The following KCNK12 variants were observed in gnomAD, a reference collection of about 807,000 sequenced individuals.
KCNK12 encodes potassium channel subfamily K member 12.
In KCNK12, 6 loss-of-function variants were observed where a neutral mutation model predicts 25.3. That is an observed-to-expected ratio of 0.24 (90% CI 0.13 to 0.47). KCNK12 has a LOEUF of 0.47. Among genes scored for constraint, KCNK12 ranks in the 20% least tolerant of loss-of-function variants. The pLI is 0.99. For synonymous variants in KCNK12, 331 were observed against 311.1 expected, an observed-to-expected ratio of 1.06 and a Z score of -0.67; for missense variants, 444 against 661.7, an observed-to-expected ratio of 0.67 and a Z score of 3.61.
rs749453881 is a variant in KCNK12 at position 47,570,143 on chromosome 2, G to C, written c.189C>G (p.Pro63=). The C allele has an allele frequency of 4.1e-6, 6 of 1,456,056 alleles. No individual in the cohort carries two copies. In the African/African-American group the frequency reaches 4.4e-5, roughly 11 times the overall value. 90.2% of individuals were successfully genotyped at this position (1,456,056 alleles called of 1,614,324 possible). The change falls in exon 1 of 2, where the codon CCC becomes CCG. Residue 63 remains proline (P), a synonymous_variant. Coordinates refer to ENST00000327876, the MANE Select transcript of KCNK12 (RefSeq NM_022055.2). ...GATVFSALES[P]GEAEARARWG... ...AGCGCGCCCGCGCCTCCGCCTCGCC[G>C]GGGCTCTCGAGCGCCGAGAAGACTG...
chr2:47,513,721 A>C lies in KCNK12; in HGVS notation c.*7186T>G, dbSNP rs1668458333. On this transcript the variant is annotated 3_prime_UTR_variant, in exon 2 of 2. Transcript: ENST00000327876. Reference sequence around the variant, plus strand: ...CTTCTGTTCCTCCTCCTGGGTTCCCAGGCTCAGTGGTGGCACCACTGTCTA... The same window carrying C: ...CTTCTGTTCCTCCTCCTGGGTTCCCCGGCTCAGTGGTGGCACCACTGTCTA... 6.6e-6 allele frequency among the ~76,000 whole-genome samples: 1 copy of C among 152,094 alleles called. No homozygotes were observed. Among genetic ancestry groups the C allele is most frequent in the African/African-American group, 2.4e-5 (1 of 41,414 alleles).
chr2:47,522,638 T>G (rs946116343), intron 1 of KCNK12, among the ~76,000 whole-genome samples: 1 of 152,168 alleles, frequency 6.6e-6, no homozygotes, highest in African/African-American at 2.4e-5. Flanking sequence ...CCATGTCCAG[T>G]GAATTCTTTG....
At chr2:47,561,276 T>C (rs1464002254) in intron 1 of KCNK12, among the ~76,000 whole-genome samples, 1 of 152,176 alleles carries the variant, frequency 6.6e-6, no homozygotes, top group Non-Finnish European at 1.5e-5. Flanking sequence ...CTGGTCTAAC[T>C]CACCACTCAA....
intron 1 of KCNK12, among the ~76,000 whole-genome samples, chr2:47,523,204 GACCAGGTAGAGTGTA>G (rs1361797937): frequency 6.6e-6 from 1 of 152,212 alleles, no homozygotes; most frequent in Non-Finnish European, 1.5e-5. Context: ...TTCACTCTGG[GACCAGGTAGAGTGTA>G]ACCAGGTAGC....
intron 1 of KCNK12, among the ~76,000 whole-genome samples, chr2:47,530,048 T>A (rs1314267957): frequency 6.6e-6 from 1 of 152,168 alleles, no homozygotes; most frequent in Non-Finnish European, 1.5e-5. Flanking sequence ...CCCATCTCAT[T>A]TGATCCTTCC....
intron 1 of KCNK12, among the ~76,000 whole-genome samples, chr2:47,568,344 G>A (rs1323934773): frequency 6.6e-6 from 1 of 151,268 alleles, no homozygotes; most frequent in African/African-American, 2.4e-5. Flanking sequence ...GCAACTTGAT[G>A]CAGCTCTTAA....
Position 47,525,611 on chromosome 2 carries a change from T to C in KCNK12, c.392-3803A>G, listed in dbSNP as rs1272429980. Among the ~76,000 whole-genome samples, 1 of 152,140 alleles carries C rather than the reference T, an allele frequency of 6.6e-6. No homozygotes were observed. Among genetic ancestry groups the C allele is most frequent in the African/African-American group, 2.4e-5 (1 of 41,422 alleles). On this transcript the variant is annotated intron_variant, in intron 1 of 1. Coordinates refer to ENST00000327876, the MANE Select transcript of KCNK12 (RefSeq NM_022055.2). The surrounding 1 kb of genome is among the most constrained non-coding windows in gnomAD (Gnocchi z 4.1). ...TTCATCAGGAGATGTGAGGGTGACA[T>C]GGGTCACCAGAGGGTGACAAGTGGA...
rs1351685729 is a variant in KCNK12, at chr2:47,517,861, T to C, written c.*3046A>G. 6.6e-6 allele frequency: 1 copy of C among 152,104 alleles called. No homozygotes were observed. Among genetic ancestry groups the C allele is most frequent in the East Asian group, 1.9e-4 (1 of 5,188 alleles). The allele number at this position is 152,104 out of a possible 1,614,324, so 9.4% of individuals were successfully genotyped here. On this transcript the variant is annotated 3_prime_UTR_variant, in exon 2 of 2. Coordinates refer to ENST00000327876, the MANE Select transcript of KCNK12 (RefSeq NM_022055.2). The surrounding 1 kb of genome is among the most constrained non-coding windows in gnomAD (Gnocchi z 4.1). ...GCCACAGTCATATGGTGAGGGCCTC[T>C]TGGAGTTCATTCAAACTTTAAGGGA... is the stretch of plus-strand genomic sequence containing the variant.
chr2:47,564,488 T>C (rs1669751593), intron 1 of KCNK12: 1 of 218,870 alleles, frequency 4.6e-6, no homozygotes, highest in Non-Finnish European at 9.2e-6. Flanking sequence ...ATCAACTAGA[T>C]GGAATATTAT....
intron 1 of KCNK12, among the ~76,000 whole-genome samples, chr2:47,550,975 G>A (rs1484852701): frequency 6.6e-6 from 1 of 151,984 alleles, no homozygotes; most frequent in Non-Finnish European, 1.5e-5. Flanking sequence ...ATCATGTTAT[G>A]CCTCTTTTGT....
Position 47,509,987 on chromosome 2 carries a change from T to C in KCNK12, c.*10920A>G, listed in dbSNP as rs1343004723. On this transcript the variant is annotated 3_prime_UTR_variant, in exon 2 of 2. Coordinates refer to ENST00000327876, the MANE Select transcript of KCNK12 (RefSeq NM_022055.2). Reference sequence around the variant, plus strand: ...CCCAATCCCCTCCCCCTTGCTGTCCTCTTGTACAGAGGACTGAAAGCACAA... The same window carrying C: ...CCCAATCCCCTCCCCCTTGCTGTCCCCTTGTACAGAGGACTGAAAGCACAA... The C allele has an allele frequency of 1.3e-5, 2 of 152,254 alleles. No individual in the cohort carries two copies. Among genetic ancestry groups the C allele is most frequent in the Admixed American group, 1.3e-4 (2 of 15,296 alleles). 9.4% of individuals were successfully genotyped at this position (152,254 alleles called of 1,614,324 possible).
At chr2:47,521,872 TG>T in intron 1 of KCNK12, 64 bp from the exon 2 acceptor site, 26 of 224,286 alleles carry the variant, frequency 1.2e-4, no homozygotes, top group Middle Eastern at 1.0e-3. Flanking sequence ...TGGGCGAGGG[TG>T]GGGGGTGTGG....
chr2:47,549,095 C>T (rs1669371277), intron 1 of KCNK12, among the ~76,000 whole-genome samples: 1 of 150,894 alleles, frequency 6.6e-6, no homozygotes, highest in South Asian at 2.1e-4. Flanking sequence ...ATCACAATTT[C>T]CAGAGAGCTG....
chr2:47,567,550 T>C (rs760082203), intron 1 of KCNK12, among the ~76,000 whole-genome samples: 10 of 152,340 alleles, frequency 6.6e-5, no homozygotes, highest in Non-Finnish European at 1.2e-4. Context: ...GCAGAACTTA[T>C]CTGACTGATG....
intron 1 of KCNK12, among the ~76,000 whole-genome samples, chr2:47,545,914 CT>C (rs541242406): frequency 1.1e-3 from 157 of 144,970 alleles, no homozygotes; most frequent in East Asian, 5.0e-3. Flanking sequence ...CACTTAACTT[CT>C]TTTTTTTTTT....
chr2:47,536,839 C>T (rs1231673461), intron 1 of KCNK12, among the ~76,000 whole-genome samples: 1 of 152,238 alleles, frequency 6.6e-6, no homozygotes, highest in Admixed American at 6.5e-5. Context: ...CATCTTAATT[C>T]TTAGCTGGAA....
chr2:47,553,808 C>G (rs1183897546), intron 1 of KCNK12, among the ~76,000 whole-genome samples: 2 of 152,188 alleles, frequency 1.3e-5, no homozygotes, highest in Admixed American at 6.5e-5. Context: ...TGTTCCTTAA[C>G]TTGCTTAAGG....
Position 47,540,859 on chromosome 2 carries a change from G to A in KCNK12, c.392-19051C>T, listed in dbSNP as rs1408398611. 1.3e-5 allele frequency among the ~76,000 whole-genome samples: 2 copies of A among 152,196 alleles called. No individual in the cohort carries two copies. The stretch of plus-strand genomic sequence containing the variant: ...CCAGCTACTCAGGAGGCTGAGGCAG[G>A]ATTGTTTGAGCCCAGGAGGTCAAGG... On this transcript the variant is annotated intron_variant, in intron 1 of 1. Coordinates refer to ENST00000327876, the MANE Select transcript of KCNK12 (RefSeq NM_022055.2). This position sits in a 1 kb window ranked among gnomAD's most constrained non-coding sequence, Gnocchi z 5.4.
intron 1 of KCNK12, among the ~76,000 whole-genome samples, chr2:47,524,130 T>A (rs1368024144): frequency 6.6e-6 from 1 of 152,146 alleles, no homozygotes; most frequent in Non-Finnish European, 1.5e-5. Context: ...GTCCCTAGAT[T>A]TACAGAAAGT....
Sources: allele counts gnomAD v4.1 joint callset (sites outside exome capture counted in the v4.1 genomes callset), GRCh38; gene constraint gnomAD v4.1.1; non-coding constraint Gnocchi (gnomAD v3.1); transcripts MANE v1.5; gene names NCBI Gene and HGNC (gene_info 2026-07-23, HGNC 2026-07-21).